ADGRL4: variants seen among roughly 807,000 people sequenced by gnomAD.
The protein encoded by ADGRL4 is EGF, latrophilin and seven transmembrane domain containing 1.
In ADGRL4, 90 loss-of-function variants were observed where a neutral mutation model predicts 74.8. The ratio of observed to expected loss-of-function variants is 1.20; its 90% CI spans 1.02 to 1.43. ADGRL4 has a LOEUF of 1.43. Among genes scored for constraint, ADGRL4 ranks in the 40% most tolerant of loss-of-function variants. The pLI is 0.00. For synonymous variants in ADGRL4, 311 were observed against 279.2 expected (o/e 1.11, Z -1.14); for missense variants, 881 against 814.3 (o/e 1.08, Z -1.00).
chr1:78,976,816 A>G (rs2100722427), intron 2 of ADGRL4, among the ~76,000 whole-genome samples: 1 of 151,168 alleles, frequency 6.6e-6, no homozygotes, highest in African/African-American at 2.4e-5. Flanking sequence ...AAACCTCCAG[A>G]CCCAAATGGC....
chr1:78,963,784 GA>G (rs768917798), intron 2 of ADGRL4, among the ~76,000 whole-genome samples: 1 of 152,090 alleles, frequency 6.6e-6, no homozygotes, highest in Non-Finnish European at 1.5e-5. Context: ...AGCATGTGAA[GA>G]AACAGTGTTT....
intron 12 of ADGRL4, among the ~76,000 whole-genome samples, chr1:78,905,840 T>G (rs1209400561): frequency 6.6e-6 from 1 of 152,052 alleles, no homozygotes; most frequent in Admixed American, 6.6e-5. Context: ...AGCCATTAAT[T>G]TGACTAAACA....
At position 78,891,546 on chromosome 1, in the gene ADGRL4, A is replaced by C; in HGVS notation, c.1988T>G (p.Phe663Cys). ...TACCTTTCTAGATAAAACACACAGG[A>C]ATAAAAAAATGAACATCCCCTGGAA... ...NAFQGMFIFL[F>C]LCVLSRKIQE... Residue 663 changes from phenylalanine (F) to cysteine (C), a missense_variant, in exon 14 of 15, where the codon TTC becomes TGC. Phe to Cys is a radical substitution (Grantham distance 205). Transcript: ENST00000370742. The C allele has an allele frequency of 1.9e-6, 3 of 1,613,378 alleles. No individual in the cohort carries two copies. Among genetic ancestry groups the C allele is most frequent in the Non-Finnish European group, 2.5e-6 (3 of 1,179,696 alleles).
chr1:78,916,325 C>T (rs751266191), intron 12 of ADGRL4, among the ~76,000 whole-genome samples: 3 of 151,726 alleles, frequency 2.0e-5, no homozygotes, highest in Non-Finnish European at 2.9e-5. Flanking sequence ...TTGTACAAAA[C>T]AATGGCAAAG....
chr1:78,965,106 C>A (rs1258688694), intron 2 of ADGRL4, among the ~76,000 whole-genome samples: 2 of 151,868 alleles, frequency 1.3e-5, no homozygotes, highest in Non-Finnish European at 2.9e-5. Context: ...TATAGAAATC[C>A]TTTTGATGCT....
At chr1:78,921,583 T>G in intron 9 of ADGRL4, 30 bp downstream of exon 9, 1 of 1,332,936 alleles carries the variant, frequency 7.5e-7, no homozygotes, top group Non-Finnish European at 9.8e-7. Context: ...AAAGCAACAT[T>G]TATAAATATG....
intron 2 of ADGRL4, among the ~76,000 whole-genome samples, chr1:78,987,465 TA>T (rs902159526): frequency 3.3e-5 from 5 of 151,636 alleles, no homozygotes; most frequent in Non-Finnish European, 7.4e-5. Flanking sequence ...TGAATCAGGA[TA>T]AAAAAATTAC....
At position 78,935,898 on chromosome 1, in the gene ADGRL4, C is replaced by G. The variant is rs1285386275; in HGVS notation, c.877+397G>C. Among the ~76,000 whole-genome samples the G allele has an allele frequency of 8.5e-5, 2 of 23,542 alleles. 1 individual carries two copies. Among genetic ancestry groups the G allele is most frequent in the Non-Finnish European group, 2.3e-4 (2 of 8,690 alleles). 15.4% of individuals were successfully genotyped at this position (23,542 alleles called of 152,430 possible). A position where few individuals can be genotyped will look rare whatever the true frequency, so the allele number is the denominator to read the frequency against. ...CAGCACTTTGGGAGGCCGAGGCGGGCGGATCACGAGGTCAGGAGATCGAGA... is the reference window on the plus strand; with the variant it reads ...CAGCACTTTGGGAGGCCGAGGCGGGGGGATCACGAGGTCAGGAGATCGAGA... On this transcript the variant is annotated intron_variant, in intron 7 of 14. Coordinates refer to ENST00000370742, the MANE Select transcript of ADGRL4 (RefSeq NM_022159.4).
chr1:78,901,922 C>G (rs181548156), intron 12 of ADGRL4, among the ~76,000 whole-genome samples: 1 of 152,038 alleles, frequency 6.6e-6, no homozygotes, highest in South Asian at 2.1e-4. Context: ...GAAAGCAGAC[C>G]TCAGAGAAAT....
intron 12 of ADGRL4, among the ~76,000 whole-genome samples, chr1:78,906,195 A>C (rs1265722560): frequency 1.3e-5 from 2 of 152,034 alleles, no homozygotes; most frequent in African/African-American, 4.8e-5. Context: ...ATACTTGTCT[A>C]TTAGGAAATT....
At chr1:78,892,473 A>T (rs1264836259) in intron 13 of ADGRL4, among the ~76,000 whole-genome samples, 2 of 152,094 alleles carry the variant, frequency 1.3e-5, no homozygotes, top group African/African-American at 2.4e-5. Context: ...TTAGCAGTGT[A>T]CCTCAGAAAA....
chr1:78,994,435 G>A (rs960098845), intron 2 of ADGRL4, among the ~76,000 whole-genome samples: 17 of 152,128 alleles, frequency 1.1e-4, no homozygotes, highest in African/African-American at 3.9e-4. Context: ...CAACAAACCA[G>A]AATTGTCGCA....
chr1:78,938,159 G>A lies in ADGRL4; in HGVS notation c.517C>T (p.Leu173=). The A allele has an allele frequency of 6.2e-7, 1 of 1,612,806 alleles. No individual in the cohort carries two copies. The highest frequency in any genetic ancestry group is 8.5e-7 in the Non-Finnish European group (1 of 1,179,552). ...GAGATAGTGTTGTTCTTGTAACCTAGTAATGAAGATGATTCAGCTAATATT... is the reference window on the plus strand; with the variant it reads ...GAGATAGTGTTGTTCTTGTAACCTAATAATGAAGATGATTCAGCTAATATT... The part of the protein sequence containing the change: ...IEILAESSSL[L]GYKNNTISAK... The change falls in exon 5 of 15, where the codon CTA becomes TTA. Residue 173 remains leucine (L), a synonymous_variant. Coordinates refer to ENST00000370742, the MANE Select transcript of ADGRL4 (RefSeq NM_022159.4).
chr1:78,948,592 GAAGAGTTAATACTTTATTAACATGCATT>G (rs894480573), intron 2 of ADGRL4, among the ~76,000 whole-genome samples: 13 of 151,988 alleles, frequency 8.6e-5, no homozygotes, highest in Non-Finnish European at 1.8e-4. Context: ...ATAAAATGCG[GAAGAGTTAATACTTTATTAACATGCATT>G]TAATTAATTT....
rs754940166 is a variant in ADGRL4 at position 78,921,767 on chromosome 1, C to T, written c.1103G>A (p.Ser368Asn). ...SHRKVTDRYRSLCAFWNYSPD... is the reference protein window; with the variant it reads ...SHRKVTDRYRNLCAFWNYSPD... ...TGAGTAATTCCAAAATGCACATAGA[C>T]TCCTATACCTATCTGTGACCTGAAA... is the stretch of plus-strand genomic sequence containing the variant. Residue 368 changes from serine to asparagine, a missense_variant, in exon 9 of 15, where the codon AGT becomes AAT. Transcript: ENST00000370742. 1 of 1,521,698 alleles carries T rather than the reference C, an allele frequency of 6.6e-7. No homozygotes were observed. Among genetic ancestry groups the T allele is most frequent in the Non-Finnish European group, 8.8e-7 (1 of 1,135,354 alleles). The allele number at this position is 1,521,698 out of a possible 1,614,324, so 94.3% of individuals were successfully genotyped here.
chr1:78,973,020 G>T (rs1203100837), intron 2 of ADGRL4, among the ~76,000 whole-genome samples: 1 of 152,296 alleles, frequency 6.6e-6, no homozygotes, highest in Middle Eastern at 3.4e-3. Flanking sequence ...CAGACAGGTG[G>T]TACCCTTAGG....
intron 2 of ADGRL4, among the ~76,000 whole-genome samples, chr1:78,964,237 CCTG>C (rs1350933410): frequency 1.7e-4 from 26 of 152,160 alleles, no homozygotes; most frequent in African/African-American, 6.3e-4. Flanking sequence ...TCAGAGTGAT[CCTG>C]CTATTATTGT....
At position 78,915,092 on chromosome 1, in the gene ADGRL4, T is replaced by G. The variant is rs531516906; in HGVS notation, c.1749+2542A>C. Among the ~76,000 whole-genome samples the G allele has an allele frequency of 4.6e-5, 7 of 152,074 alleles. No individual in the cohort carries two copies. The South Asian group carries it at 1.4e-3, about 31-fold the overall frequency. ...CACATGACCTAGGCAGACCTGCAACTTCTTTCCATTTCTCCGACTTATCTT... is the reference window on the plus strand; with the variant it reads ...CACATGACCTAGGCAGACCTGCAACGTCTTTCCATTTCTCCGACTTATCTT... On this transcript the variant is annotated intron_variant, in intron 12 of 14. Coordinates refer to ENST00000370742, the MANE Select transcript of ADGRL4 (RefSeq NM_022159.4).
intron 2 of ADGRL4, among the ~76,000 whole-genome samples, chr1:78,987,632 G>GTTCTTTGGAACAACTA (rs1294497778): frequency 6.6e-6 from 1 of 151,812 alleles, no homozygotes; most frequent in Non-Finnish European, 1.5e-5. Context: ...AACAAAGTAT[G>GTTCTTTGGAACAACTA]TTATTGGAAC....
Sources: gnomAD v4.1 joint callset for allele counts (sites outside exome capture counted in the v4.1 genomes callset) on GRCh38, gnomAD v4.1.1 for gene constraint, MANE v1.5 for transcripts, NCBI Gene and HGNC (gene_info 2026-07-23, HGNC 2026-07-21) for gene names.